PCDHGB2: variants seen among roughly 807,000 people sequenced by gnomAD.
PCDHGB2 encodes the protein protocadherin gamma-B2.
A neutral mutation model predicts 59.3 loss-of-function variants in PCDHGB2; 55 were observed. That is an observed-to-expected ratio of 0.93 (90% CI 0.75 to 1.16). PCDHGB2 has a LOEUF of 1.16. Ranked by LOEUF, PCDHGB2 falls within the 50% of genes most tolerant of loss-of-function variation. PCDHGB2 has a pLI of 0.00. For synonymous variants in PCDHGB2, 516 were observed against 512.0 expected (o/e 1.01, Z -0.11); for missense variants, 1,228 against 1,198.5 (o/e 1.02, Z -0.36).
At chr5:141,396,487 G>A (rs1196823269) in intron 1 of PCDHGB2, 1 of 152,122 alleles carries the variant, frequency 6.6e-6, no homozygotes, top group Non-Finnish European at 1.5e-5. Flanking sequence ...AGGCATGGTG[G>A]CATGCGCCTG....
chr5:141,431,700 TC>T lies in PCDHGB2; in HGVS notation c.2422-63106del. On this transcript the variant is annotated intron_variant, in intron 1 of 3. Coordinates refer to ENST00000522605, the MANE Select transcript of PCDHGB2 (RefSeq NM_018923.3). The surrounding 1 kb of genome is among the most constrained non-coding windows in gnomAD (Gnocchi z 4.8). ...GAGTTGGACCACGAGGAGTCAGGAT[TC>T]TACCAGATGGAAGTGCAAGCAATGG... 6.2e-7 allele frequency: 1 copy of T among 1,614,218 alleles called. No individual in the cohort carries two copies.
chr5:141,413,387 T>G (rs902208287), intron 1 of PCDHGB2: 1 of 1,613,908 alleles, frequency 6.2e-7, no homozygotes, highest in Non-Finnish European at 8.5e-7. Context: ...GTCCGCATAG[T>G]CTCCAGAGGT....
chr5:141,440,535 G>C (rs1305958587), intron 1 of PCDHGB2: 1 of 152,154 alleles, frequency 6.6e-6, no homozygotes, highest in African/African-American at 2.4e-5. Flanking sequence ...CATGCACCAC[G>C]GTTCAGCAGG....
intron 1 of PCDHGB2, chr5:141,419,776 C>T (rs965350189): frequency 1.2e-6 from 2 of 1,614,026 alleles, no homozygotes; most frequent in Admixed American, 1.7e-5. Context: ...ACTCGGTCCG[C>T]CAGCGCCTGC....
chr5:141,382,921 G>A, intron 1 of PCDHGB2: 2 of 1,560,324 alleles, frequency 1.3e-6, no homozygotes, highest in South Asian at 1.2e-5. Flanking sequence ...GCCGAGGGGC[G>A]GGGACTACAG....
chr5:141,499,565 C>T (rs1291006795), intron 2 of PCDHGB2, among the ~76,000 whole-genome samples: 1 of 152,168 alleles, frequency 6.6e-6, no homozygotes, highest in East Asian at 1.9e-4. Flanking sequence ...CACTATCCAG[C>T]TTCAACTAAT....
At position 141,360,656 on chromosome 5, in the gene PCDHGB2, A is replaced by T; in HGVS notation, c.521A>T (p.Asp174Val). ...TCACTACAAAGATACCACCTTAATG[A>T]CAACGAGTACTTTGATCTCGCTGAG... is the stretch of plus-strand genomic sequence containing the variant. ...PNSLQRYHLN[D>V]NEYFDLAEKQ... Residue 174 changes from aspartate (D) to valine (V), a missense_variant, in exon 1 of 4, where the codon GAC (aspartate) becomes GTC (valine). Asp to Val is a radical substitution (Grantham distance 152). Coordinates refer to ENST00000522605, the MANE Select transcript of PCDHGB2 (RefSeq NM_018923.3). The T allele has an allele frequency of 6.2e-7, 1 of 1,613,586 alleles. No homozygotes were observed. Among genetic ancestry groups the T allele is most frequent in the Non-Finnish European group, 8.5e-7 (1 of 1,179,666 alleles).
intron 1 of PCDHGB2, chr5:141,413,223 G>C (rs1454395834): frequency 6.2e-7 from 1 of 1,613,694 alleles, no homozygotes; most frequent in African/African-American, 1.3e-5. Flanking sequence ...ATTGCAGCGG[G>C]CTGGTCCTGC....
At chr5:141,378,996 A>G (rs1477172762) in intron 1 of PCDHGB2, 1 of 152,260 alleles carries the variant, frequency 6.6e-6, no homozygotes, top group Non-Finnish European at 1.5e-5. Context: ...CATTATAGTC[A>G]AGATTTTTCT....
chr5:141,422,996 C>T (rs1473025630), intron 1 of PCDHGB2: 1 of 1,614,224 alleles, frequency 6.2e-7, no homozygotes, highest in South Asian at 1.1e-5. Context: ...TACCTGGTGA[C>T]CAAGGTGGTT....
At chr5:141,461,456 T>C (rs12186717) in intron 1 of PCDHGB2, among the ~76,000 whole-genome samples, 42,391 of 152,030 alleles carry the variant, frequency 0.28, 6,631 homozygotes, top group African/African-American at 0.43. Context: ...AATGGCTATT[T>C]GTGTCCTTTG....
intron 1 of PCDHGB2, chr5:141,370,273 C>A: frequency 1.2e-6 from 1 of 809,002 alleles, no homozygotes; most frequent in Non-Finnish European, 1.9e-6. Context: ...GCAGCGGAGA[C>A]ACCCATTAGA....
At chr5:141,380,894 AT>A (rs1776829006) in intron 1 of PCDHGB2, among the ~76,000 whole-genome samples, 1 of 152,262 alleles carries the variant, frequency 6.6e-6, no homozygotes, top group Admixed American at 6.5e-5. Context: ...TTGTTTGAAA[AT>A]ATCTACAAGT....
chr5:141,463,466 T>G (rs1400160593), intron 1 of PCDHGB2, among the ~76,000 whole-genome samples: 2 of 142,982 alleles, frequency 1.4e-5, no homozygotes, highest in African/African-American at 5.2e-5. Context: ...TTTTTTTTTT[T>G]GAGATGGAGT....
chr5:141,447,430 A>G (rs960560239), intron 1 of PCDHGB2, among the ~76,000 whole-genome samples: 9 of 152,156 alleles, frequency 5.9e-5, no homozygotes, highest in African/African-American at 2.2e-4. Flanking sequence ...GAGCCACCGC[A>G]CCCGGAGGAA....
Position 141,374,094 on chromosome 5 carries a change from C to A in PCDHGB2, c.2421+11538C>A. 1 of 1,555,744 alleles carries A rather than the reference C, an allele frequency of 6.4e-7. No homozygotes were observed. The highest frequency in any genetic ancestry group is 1.2e-5 in the South Asian group (1 of 82,772). On this transcript the variant is annotated intron_variant, in intron 1 of 3. Coordinates refer to ENST00000522605, the MANE Select transcript of PCDHGB2 (RefSeq NM_018923.3). ...CCTAATAAGCCAGTAATGGCGCCTC[C>A]GCAGAGGCATCCGCAGCGCAGCGAG...
At chr5:141,370,520 CAG>C (rs1250098556) in intron 1 of PCDHGB2, 3 of 1,613,752 alleles carry the variant, frequency 1.9e-6, no homozygotes, top group African/African-American at 2.7e-5. Context: ...AGGAGCTGGA[CAG>C]GGGCTCGCTG....
intron 1 of PCDHGB2, chr5:141,426,993 G>A (rs1331210977): frequency 1.1e-5 from 5 of 456,742 alleles, no homozygotes; most frequent in Middle Eastern, 3.3e-4. Context: ...CAACGATAAT[G>A]CCCCAGTTTT....
chr5:141,452,641 CT>C (rs1351640847), intron 1 of PCDHGB2, among the ~76,000 whole-genome samples: 3 of 151,934 alleles, frequency 2.0e-5, no homozygotes, highest in Admixed American at 1.3e-4. Flanking sequence ...AATATATTTA[CT>C]CATTTGCTCC....
Sources: gnomAD v4.1 joint callset for allele counts (sites outside exome capture counted in the v4.1 genomes callset) on GRCh38, gnomAD v4.1.1 for gene constraint, Gnocchi (gnomAD v3.1) non-coding constraint, MANE v1.5 for transcripts, NCBI Gene and HGNC (gene_info 2026-07-23, HGNC 2026-07-21) for gene names.